The following MYO3B variants were observed in gnomAD, a reference collection of about 807,000 sequenced individuals.
The protein encoded by MYO3B is myosin-IIIb.
A neutral mutation model predicts 174.6 loss-of-function variants in MYO3B; 156 were observed. The ratio of observed to expected loss-of-function variants is 0.89; its 90% CI spans 0.78 to 1.02. The LOEUF (loss-of-function observed/expected upper bound fraction) is 1.02, where lower values mean the gene tolerates loss of function less well. MYO3B is among the 50% of genes least tolerant of loss of function. MYO3B has a pLI of 0.00. For missense variants in MYO3B, 1,632 were observed against 1,639.4 expected (o/e 1.00, Z 0.08); for synonymous variants, 563 against 569.1 (o/e 0.99, Z 0.15).
intron 1 of MYO3B, among the ~76,000 whole-genome samples, chr2:170,179,868 T>C (rs2092375991): frequency 6.6e-6 from 1 of 152,230 alleles, no homozygotes. Flanking sequence ...ATTCTGTGTA[T>C]CTCTGGGTGT....
At chr2:170,360,766 C>T (rs2094154676) in intron 8 of MYO3B, among the ~76,000 whole-genome samples, 1 of 152,162 alleles carries the variant, frequency 6.6e-6, no homozygotes, top group Admixed American at 6.5e-5. Flanking sequence ...GAAGGAGAGG[C>T]AGTTAGTCTC....
chr2:170,178,655 C>T (rs903180344), intron 1 of MYO3B, among the ~76,000 whole-genome samples: 2 of 152,132 alleles, frequency 1.3e-5, no homozygotes, highest in African/African-American at 4.8e-5. Flanking sequence ...TTATAAACCA[C>T]TTTATTTCTG....
At chr2:170,341,808 T>G (rs2093978519) in intron 8 of MYO3B, among the ~76,000 whole-genome samples, 1 of 152,300 alleles carries the variant, frequency 6.6e-6, no homozygotes, top group South Asian at 2.1e-4. Flanking sequence ...CAAGGTTATA[T>G]CTCCCTGAAG....
At chr2:170,540,036 C>A (rs1033362612) in intron 30 of MYO3B, among the ~76,000 whole-genome samples, 1 of 152,100 alleles carries the variant, frequency 6.6e-6, no homozygotes, top group Non-Finnish European at 1.5e-5. Context: ...AAATCACTGG[C>A]TTCTTGATGC....
At chr2:170,490,267 A>T (rs907427876) in intron 25 of MYO3B, among the ~76,000 whole-genome samples, 1 of 152,044 alleles carries the variant, frequency 6.6e-6, no homozygotes, top group African/African-American at 2.4e-5. Flanking sequence ...TGACCTCGTG[A>T]TCCGCCCTCC....
At chr2:170,399,924 G>A (rs2094464292) in intron 16 of MYO3B, among the ~76,000 whole-genome samples, 1 of 152,242 alleles carries the variant, frequency 6.6e-6, no homozygotes, top group South Asian at 2.1e-4. Flanking sequence ...CGGCAATAAT[G>A]AGAAGGAAAG....
chr2:170,219,371 C>G (rs892631304), intron 6 of MYO3B, among the ~76,000 whole-genome samples: 1 of 152,086 alleles, frequency 6.6e-6, no homozygotes, highest in East Asian at 1.9e-4. Flanking sequence ...GGGTCAGGAG[C>G]GGTGGCTCAT....
intron 32 of MYO3B, among the ~76,000 whole-genome samples, chr2:170,604,474 T>A (rs1248799675): frequency 1.3e-5 from 2 of 152,104 alleles, no homozygotes; most frequent in Non-Finnish European, 2.9e-5. Context: ...AACTGTTAAT[T>A]AAACATTTTA....
intron 8 of MYO3B, among the ~76,000 whole-genome samples, chr2:170,351,269 A>G (rs1054737205): frequency 6.6e-6 from 1 of 152,180 alleles, no homozygotes; most frequent in African/African-American, 2.4e-5. Flanking sequence ...ACTTGAAGCC[A>G]GTAAATGAGG....
rs370205817 is a variant in MYO3B at position 170,449,783 on chromosome 2, A to C, written c.2730+5737A>C. Among the ~76,000 whole-genome samples, 33 of 152,208 alleles carry C rather than the reference A, an allele frequency of 2.2e-4. No individual in the cohort carries two copies. The East Asian group carries it at 6.4e-3, about 29-fold the overall frequency. ...CAAGAGCAGAACTCTGTCTCAAAAAAAAAAAAGAAAAGAAAAAGAAGAAGT... is the reference window on the plus strand; with the variant it reads ...CAAGAGCAGAACTCTGTCTCAAAAACAAAAAAGAAAAGAAAAAGAAGAAGT... On this transcript the variant is annotated intron_variant, in intron 23 of 34. Transcript: ENST00000408978.
intron 6 of MYO3B, among the ~76,000 whole-genome samples, chr2:170,234,590 A>G (rs1189486906): frequency 6.6e-6 from 1 of 152,238 alleles, no homozygotes; most frequent in Non-Finnish European, 1.5e-5. Context: ...GAAGTCCAGT[A>G]TGAGTCTCAC....
At chr2:170,415,626 G>A (rs17607603) in intron 22 of MYO3B, among the ~76,000 whole-genome samples, 28,714 of 152,048 alleles carry the variant, frequency 0.19, 3,271 homozygotes, top group East Asian at 0.55. Context: ...GCATCCACCC[G>A]CATTGTTCCT....
At chr2:170,586,708 G>A (rs150187977) in intron 32 of MYO3B, among the ~76,000 whole-genome samples, 88 of 152,292 alleles carry the variant, frequency 5.8e-4, no homozygotes, top group Non-Finnish European at 9.1e-4. Flanking sequence ...AGAAGTTTTC[G>A]TTTTAGTGGT....
chr2:170,408,961 G>A (rs1042207998), intron 22 of MYO3B, among the ~76,000 whole-genome samples: 2 of 152,130 alleles, frequency 1.3e-5, no homozygotes, highest in Non-Finnish European at 2.9e-5. Context: ...GGAGCTCGGG[G>A]CAGGTGTGGA....
At chr2:170,265,963 C>G (rs1055717671) in intron 7 of MYO3B, among the ~76,000 whole-genome samples, 1 of 152,084 alleles carries the variant, frequency 6.6e-6, no homozygotes, top group African/African-American at 2.4e-5. Context: ...GCATACCATA[C>G]TTTTCTGTTC....
At chr2:170,181,999 A>G (rs1460928098) in intron 1 of MYO3B, among the ~76,000 whole-genome samples, 1 of 152,116 alleles carries the variant, frequency 6.6e-6, no homozygotes, top group Non-Finnish European at 1.5e-5. Context: ...CATCTTTTAT[A>G]CATTTAAATT....
intron 25 of MYO3B, among the ~76,000 whole-genome samples, chr2:170,476,828 C>A (rs1032098226): frequency 6.6e-6 from 1 of 151,900 alleles, no homozygotes. Context: ...CCTCTTCTAC[C>A]GAGTATTTCC....
At chr2:170,290,291 C>T (rs1312358983) in intron 7 of MYO3B, among the ~76,000 whole-genome samples, 1 of 152,018 alleles carries the variant, frequency 6.6e-6, no homozygotes, top group Non-Finnish European at 1.5e-5. Context: ...AGTTCCCTAC[C>T]ATTATTGTAC....
chr2:170,431,042 C>T (rs1361171503), intron 22 of MYO3B, among the ~76,000 whole-genome samples: 1 of 152,186 alleles, frequency 6.6e-6, no homozygotes, highest in African/African-American at 2.4e-5. Context: ...AAGCCATTCT[C>T]ACACCTCATG....
Sources: allele counts gnomAD v4.1 joint callset (sites outside exome capture counted in the v4.1 genomes callset), GRCh38; gene constraint gnomAD v4.1.1; transcripts MANE v1.5; gene names NCBI Gene and HGNC (gene_info 2026-07-23, HGNC 2026-07-21).